Variants in BACH2 observed in about 807,000 individuals in gnomAD.
BACH2 encodes the protein transcription regulator protein BACH2.
In BACH2, 5 loss-of-function variants were observed where a neutral mutation model predicts 61.8. The ratio of observed to expected loss-of-function variants is 0.08; its 90% CI spans 0.04 to 0.17. BACH2 has a LOEUF of 0.17. Ranked by LOEUF, BACH2 falls within the 10% of genes least tolerant of loss-of-function variation. The probability of loss-of-function intolerance (pLI) is 1.00; values close to 1 mark genes in which losing one functional copy is unlikely to be tolerated. For missense variants in BACH2, 824 were observed against 1,091.1 expected, an observed-to-expected ratio of 0.76 and a Z score of 3.45; for synonymous variants, 446 against 440.1, an observed-to-expected ratio of 1.01 and a Z score of -0.17.
chr6:90,029,182 A>G (rs969374860), intron 5 of BACH2, among the ~76,000 whole-genome samples: 6 of 152,198 alleles, frequency 3.9e-5, no homozygotes, highest in Non-Finnish European at 5.9e-5. Flanking sequence ...TAGGGTAACC[A>G]CAGCAGGTTC....
rs921603950 is a variant in BACH2 at position 90,232,005 on chromosome 6, G to C, written c.-275+20508C>G. 2.0e-5 allele frequency among the ~76,000 whole-genome samples: 3 copies of C among 152,138 alleles called. 1 individual carries two copies. Among genetic ancestry groups the C allele is most frequent in the South Asian group, 4.1e-4 (2 of 4,820 alleles). On this transcript the variant is annotated intron_variant, in intron 3 of 8. Coordinates refer to ENST00000257749, the MANE Select transcript of BACH2 (RefSeq NM_021813.4). ...AGAGACAGAGAGAGAGAGAGAGAGA[G>C]AGAGAGAGAAGCCCAACCGTTATCT...
chr6:90,110,575 T>C (rs965357287), intron 4 of BACH2, among the ~76,000 whole-genome samples: 1 of 152,252 alleles, frequency 6.6e-6, no homozygotes, highest in Non-Finnish European at 1.5e-5. Flanking sequence ...AGCTCTACAG[T>C]AGCAGCTATG....
At chr6:90,078,461 G>C (rs910068766) in intron 5 of BACH2, among the ~76,000 whole-genome samples, 27 of 152,076 alleles carry the variant, frequency 1.8e-4, no homozygotes, top group African/African-American at 6.3e-4. Flanking sequence ...AGTAACCTAA[G>C]AAGAAGCAAA....
At chr6:90,077,367 G>A (rs1781517827) in intron 5 of BACH2, among the ~76,000 whole-genome samples, 1 of 152,148 alleles carries the variant, frequency 6.6e-6, no homozygotes, top group Non-Finnish European at 1.5e-5. Context: ...AAGTCACCTA[G>A]AATGATTTGC....
chr6:90,100,935 AACC>A (rs1344436270), intron 4 of BACH2, among the ~76,000 whole-genome samples: 1 of 152,180 alleles, frequency 6.6e-6, no homozygotes, highest in African/African-American at 2.4e-5. Flanking sequence ...TTTAGACTTT[AACC>A]ATCCTAGTGG....
intron 3 of BACH2, among the ~76,000 whole-genome samples, chr6:90,248,292 T>C (rs1396078784): frequency 6.6e-6 from 1 of 152,234 alleles, no homozygotes; most frequent in African/African-American, 2.4e-5. Flanking sequence ...TGGATATTTA[T>C]ATTTTTCATT....
chr6:89,996,400 T>C (rs913746534), intron 6 of BACH2, among the ~76,000 whole-genome samples: 2 of 152,262 alleles, frequency 1.3e-5, no homozygotes, highest in South Asian at 2.1e-4. Flanking sequence ...TTTTTTATTA[T>C]GTCACTTCTT....
In BACH2 at chr6:89,932,270, G is replaced by A; in HGVS notation, c.*138C>T. The stretch of plus-strand genomic sequence containing the variant: ...GAAGAGGAGAGGATACTTCGGAACA[G>A]TATTGCTGCTAAGACCGCTGTAGTG... On this transcript the variant is annotated 3_prime_UTR_variant, in exon 9 of 9. Transcript: ENST00000257749. 5 of 1,129,976 alleles carry A rather than the reference G, an allele frequency of 4.4e-6. No individual in the cohort carries two copies. Among genetic ancestry groups the A allele is most frequent in the South Asian group, 1.5e-5 (1 of 67,794 alleles). 70.0% of individuals were successfully genotyped at this position (1,129,976 alleles called of 1,614,324 possible). A position where few individuals can be genotyped will look rare whatever the true frequency, so the allele number is the denominator to read the frequency against.
chr6:90,078,229 G>C (rs1421347588), intron 5 of BACH2, among the ~76,000 whole-genome samples: 2 of 152,030 alleles, frequency 1.3e-5, no homozygotes, highest in Non-Finnish European at 2.9e-5. Flanking sequence ...AGCCTTACTT[G>C]ATTACAACAT....
chr6:90,204,415 T>A (rs1010089682), intron 4 of BACH2, among the ~76,000 whole-genome samples: 28 of 152,160 alleles, frequency 1.8e-4, no homozygotes, highest in African/African-American at 6.0e-4. Flanking sequence ...CTTTGTCTTA[T>A]GCCAAGAAAG....
intron 4 of BACH2, among the ~76,000 whole-genome samples, chr6:90,158,766 G>GT (rs1193046932): frequency 1.2e-4 from 3 of 25,502 alleles, no homozygotes; most frequent in African/African-American, 9.1e-4. Flanking sequence ...TTCTTTTGGT[G>GT]GGGGGGGGGC....
chr6:90,130,030 T>C (rs538835137), intron 4 of BACH2, among the ~76,000 whole-genome samples: 2 of 152,146 alleles, frequency 1.3e-5, no homozygotes, highest in Admixed American at 6.5e-5. Context: ...CCACTGTGCC[T>C]GGCTAATTTT....
intron 3 of BACH2, among the ~76,000 whole-genome samples, chr6:90,220,288 T>A (rs1353627135): frequency 2.0e-5 from 3 of 152,180 alleles, no homozygotes; most frequent in Non-Finnish European, 4.4e-5. Flanking sequence ...CCCCTAAGAA[T>A]AAGGTCTGCA....
chr6:90,247,935 G>T (rs905181237), intron 3 of BACH2, among the ~76,000 whole-genome samples: 5 of 152,220 alleles, frequency 3.3e-5, no homozygotes, highest in South Asian at 4.2e-4. Flanking sequence ...TATCTTTCTT[G>T]GAGATTAATT....
chr6:90,085,524 G>A (rs1444109444), intron 5 of BACH2, among the ~76,000 whole-genome samples: 3 of 152,194 alleles, frequency 2.0e-5, no homozygotes, highest in Admixed American at 6.5e-5. Flanking sequence ...TTCTAGATGT[G>A]TAAATGGCAT....
At chr6:90,177,656 T>C (rs1206812942) in intron 4 of BACH2, among the ~76,000 whole-genome samples, 1 of 152,144 alleles carries the variant, frequency 6.6e-6, no homozygotes, top group Non-Finnish European at 1.5e-5. Context: ...GGTTGAAGGC[T>C]GTGAAGCTTA....
At chr6:90,172,983 A>T (rs1434852114) in intron 4 of BACH2, among the ~76,000 whole-genome samples, 1 of 152,168 alleles carries the variant, frequency 6.6e-6, no homozygotes, top group Non-Finnish European at 1.5e-5. Context: ...ACTGTTTGAG[A>T]AAAGAATGAA....
intron 1 of BACH2, among the ~76,000 whole-genome samples, chr6:90,279,945 A>T (rs1401335059): frequency 6.6e-6 from 1 of 152,194 alleles, no homozygotes; most frequent in Non-Finnish European, 1.5e-5. Flanking sequence ...CAAAATATTT[A>T]AGGAAAAAGT....
intron 3 of BACH2, among the ~76,000 whole-genome samples, chr6:90,231,197 T>C (rs915205141): frequency 1.3e-5 from 2 of 152,044 alleles, no homozygotes; most frequent in African/African-American, 2.4e-5. Flanking sequence ...ATGAAAAGGG[T>C]TTAATTTCCC....
Sources: gnomAD v4.1 joint callset for allele counts (sites outside exome capture counted in the v4.1 genomes callset) on GRCh38, gnomAD v4.1.1 for gene constraint, MANE v1.5 for transcripts, NCBI Gene and HGNC (gene_info 2026-07-23, HGNC 2026-07-21) for gene names.